Variants in WFDC5 observed in about 807,000 individuals in gnomAD.
WFDC5 encodes WAP four-disulfide core domain 5.
A neutral mutation model predicts 15.7 loss-of-function variants in WFDC5; 15 were observed. The ratio of observed to expected loss-of-function variants is 0.96; its 90% CI spans 0.64 to 1.47. The LOEUF (loss-of-function observed/expected upper bound fraction) is 1.47. WFDC5 is among the 40% of genes most tolerant of loss of function. The pLI, the probability that WFDC5 is intolerant of heterozygous loss-of-function variation, is 0.00. For synonymous variants in WFDC5, 109 were observed against 107.7 expected (o/e 1.01, Z -0.07); for missense variants, 280 against 258.0 (o/e 1.09, Z -0.59).
Position 45,110,759 on chromosome 20 carries a change from GCAGCC to G in WFDC5, c.97_101del (p.Gly33ProfsTer4), listed in dbSNP as rs1246295108. 1 of 1,614,058 alleles carries G rather than the reference GCAGCC, an allele frequency of 6.2e-7. No homozygotes were observed. The highest frequency in any genetic ancestry group is 8.5e-7 in the Non-Finnish European group (1 of 1,180,032). On this transcript the variant is annotated frameshift_variant, in exon 2 of 4. Transcript: ENST00000307971. LOFTEE classifies it high-confidence loss of function. ...GGAGGCAGGGCCCATCATCTGGCGG[GCAGCC>G]CCCCGATTTCTCTGTAAGAGAATCT...
chr20:45,114,839 A>C (rs979288671), intron 1 of WFDC5, among the ~76,000 whole-genome samples, 160 bp downstream of exon 1: 1 of 151,998 alleles, frequency 6.6e-6, no homozygotes, highest in Non-Finnish European at 1.5e-5. Flanking sequence ...TTCTGAAAGC[A>C]CTAAGAATCA....
exon 4 of WFDC5, chr20:45,109,700 G>A (rs2145522889): frequency 1.4e-6 from 1 of 704,152 alleles, no homozygotes; most frequent in Non-Finnish European, 2.7e-6. Flanking sequence ...TTTTGGTGGA[G>A]GAAGCAGCAT....
upstream of WFDC5, chr20:45,115,184 G>A (rs1276107684): frequency 4.5e-6 from 5 of 1,115,856 alleles, no homozygotes; most frequent in African/African-American, 7.8e-5. Flanking sequence ...GAGGGGGTGT[G>A]GAGTGACACC....
upstream of WFDC5, among the ~76,000 whole-genome samples, chr20:45,115,784 C>T (rs1357140981): frequency 6.6e-6 from 1 of 152,114 alleles, no homozygotes; most frequent in Non-Finnish European, 1.5e-5. Context: ...GATGTGTGGC[C>T]ACTGGAACCT....
rs568943400 is a variant in WFDC5 at position 45,110,330 on chromosome 20, G to T, written c.393+44C>A. On this transcript the variant is annotated intron_variant, in intron 3 of 3. Coordinates refer to ENST00000307971, the Ensembl canonical transcript of WFDC5. ...GGGGAGGCATCCTGTTAAGCTTGTA[G>T]CAATGAAGAAAGTATTAGAGCTGGG... is the stretch of plus-strand genomic sequence containing the variant. 3.0e-5 allele frequency: 46 copies of T among 1,539,268 alleles called. 2 individuals carry two copies. The highest frequency in any genetic ancestry group is 2.9e-4 in the South Asian group (24 of 83,986).
intron 1 of WFDC5, among the ~76,000 whole-genome samples, chr20:45,113,401 C>T (rs1026084862): frequency 3.3e-5 from 5 of 152,204 alleles, no homozygotes; most frequent in Non-Finnish European, 7.3e-5. Flanking sequence ...ACAAGCTTGT[C>T]ACACCTGCCC....
chr20:45,111,060 C>T (rs1981603039), intron 1 of WFDC5, among the ~76,000 whole-genome samples: 1 of 152,182 alleles, frequency 6.6e-6, no homozygotes, highest in South Asian at 2.1e-4. Flanking sequence ...TGGTCTGGGC[C>T]CTGCCCATCT....
chr20:45,110,480 C>A, exon 3 of WFDC5: 2 of 1,614,182 alleles, frequency 1.2e-6, no homozygotes, highest in Non-Finnish European at 1.7e-6. Flanking sequence ...GTCCTTGTGA[C>A]ACAGGTGGTT....
chr20:45,110,137 C>A (rs952671833), intron 3 of WFDC5, 124 bp from the exon 4 acceptor site: 122 of 1,400,040 alleles, frequency 8.7e-5, no homozygotes, highest in Non-Finnish European at 1.2e-4. Flanking sequence ...TTCCTCTGCC[C>A]CCTTCAAAAG....
chr20:45,112,417 A>G (rs1415542180), intron 1 of WFDC5, among the ~76,000 whole-genome samples: 1 of 152,126 alleles, frequency 6.6e-6, no homozygotes, highest in Non-Finnish European at 1.5e-5. Context: ...AAGAACTGCG[A>G]TAGCTGCAAT....
intron 3 of WFDC5, 63 bp from the exon 4 acceptor site, chr20:45,110,076 G>A (rs1981568771): frequency 6.3e-7 from 1 of 1,576,986 alleles, no homozygotes; most frequent in Non-Finnish European, 8.6e-7. Flanking sequence ...TCTGGCCTTG[G>A]TCTCCCATCC....
exon 1 of WFDC5, chr20:45,115,108 A>AGGGCCCC: frequency 6.2e-7 from 1 of 1,606,332 alleles, no homozygotes. Context: ...CTCAGGGCCC[A>AGGGCCCC]GGGCCCCCCA....
At chr20:45,113,737 T>G (rs1227323766) in intron 1 of WFDC5, among the ~76,000 whole-genome samples, 2 of 152,198 alleles carry the variant, frequency 1.3e-5, no homozygotes, top group African/African-American at 4.8e-5. Flanking sequence ...CTCAGCTCCT[T>G]CCTATGTTGG....
upstream of WFDC5, among the ~76,000 whole-genome samples, chr20:45,115,532 AG>A (rs939137911): frequency 1.2e-4 from 18 of 152,148 alleles, no homozygotes; most frequent in African/African-American, 4.1e-4. Context: ...ATGCCTAGGA[AG>A]GGAGAAGGCA....
chr20:45,115,864 G>A (rs941634823), upstream of WFDC5, among the ~76,000 whole-genome samples: 2 of 152,176 alleles, frequency 1.3e-5, no homozygotes, highest in African/African-American at 4.8e-5. Context: ...CTTAGATTTC[G>A]TATCTCTGAT....
chr20:45,109,623 C>T (rs1981551210), exon 4 of WFDC5: 2 of 633,802 alleles, frequency 3.2e-6, no homozygotes, highest in Non-Finnish European at 2.9e-6. Context: ...GAAAACTCTG[C>T]AAGAATATTC....
At chr20:45,115,218 C>T (rs1568799738), upstream of WFDC5, 3 of 756,424 alleles carry the variant, frequency 4.0e-6, no homozygotes, top group Non-Finnish European at 6.2e-6. Flanking sequence ...CTTGGCCCCA[C>T]CCCCTGAGGG....
At chr20:45,110,249 A>T (rs1981572698) in intron 3 of WFDC5, 151 bp downstream of exon 3, 6 of 1,364,624 alleles carry the variant, frequency 4.4e-6, no homozygotes, top group Non-Finnish European at 4.9e-6. Flanking sequence ...TCCTAGCAGG[A>T]CTCCTCCAAC....
At chr20:45,110,283 G>C in intron 3 of WFDC5, 117 bp downstream of exon 3, 2 of 1,490,208 alleles carry the variant, frequency 1.3e-6, no homozygotes, top group Non-Finnish European at 1.8e-6. Context: ...CCTAATCCTG[G>C]CCATGGGAGG....
Sources: gnomAD v4.1 joint callset for allele counts (sites outside exome capture counted in the v4.1 genomes callset) on GRCh38, gnomAD v4.1.1 for gene constraint, MANE v1.5 for transcripts, NCBI Gene and HGNC (gene_info 2026-07-23, HGNC 2026-07-21) for gene names.